IGF1R: variants seen among roughly 807,000 people sequenced by gnomAD.
The protein encoded by IGF1R is insulin-like growth factor 1 receptor.
A neutral mutation model predicts 144.6 loss-of-function variants in IGF1R; 44 were observed. The observed-to-expected ratio is 0.30, with a 90% CI of 0.24 to 0.39. IGF1R has a LOEUF of 0.39. Ranked by LOEUF, IGF1R falls within the 10% of genes least tolerant of loss-of-function variation. The pLI, the probability that IGF1R is intolerant of heterozygous loss-of-function variation, is 1.00. For missense variants in IGF1R, 1,355 were observed against 1,833.7 expected, an observed-to-expected ratio of 0.74 and a Z score of 4.77; for synonymous variants, 795 against 722.8, an observed-to-expected ratio of 1.10 and a Z score of -1.60.
In IGF1R at chr15:98,932,463, C is replaced by T. The variant is rs1028150771; in HGVS notation, c.2956+2158C>T. On this transcript the variant is annotated intron_variant, in intron 15 of 20. Transcript: ENST00000650285. ...CGCTCCTGGCTGGTGGCACTGGGGA[C>T]GCCTGCTTAAAGTCGGAGCCGTTGG... Among the ~76,000 whole-genome samples the T allele has an allele frequency of 3.8e-4, 58 of 152,150 alleles. 3 individuals are homozygous for T. Among genetic ancestry groups the T allele is most frequent in the Non-Finnish European group, 1.2e-4 (8 of 68,038 alleles).
chr15:98,861,864 GC>G (rs2012176143), intron 2 of IGF1R, among the ~76,000 whole-genome samples: 1 of 152,242 alleles, frequency 6.6e-6, no homozygotes, highest in South Asian at 2.1e-4. Flanking sequence ...TTCCTTGACA[GC>G]AGAATTCTCA....
chr15:98,755,673 C>G (rs1411494564), intron 2 of IGF1R, among the ~76,000 whole-genome samples: 1 of 130,054 alleles, frequency 7.7e-6, no homozygotes, highest in Admixed American at 9.0e-5. Context: ...GAGCCTACAT[C>G]GTGCCACTGC....
At chr15:98,905,541 A>G (rs1053842013) in intron 5 of IGF1R, among the ~76,000 whole-genome samples, 9 of 151,920 alleles carry the variant, frequency 5.9e-5, no homozygotes, top group Non-Finnish European at 1.2e-4. Flanking sequence ...GGGCATACCT[A>G]TGGTCCCAGC....
At chr15:98,656,242 A>G (rs2052481570) in intron 1 of IGF1R, among the ~76,000 whole-genome samples, 1 of 152,180 alleles carries the variant, frequency 6.6e-6, no homozygotes, top group African/African-American at 2.4e-5. Flanking sequence ...CTGCAGCGAT[A>G]GCTGGGCCTA....
At chr15:98,662,303 T>C (rs2052619526) in intron 1 of IGF1R, among the ~76,000 whole-genome samples, 1 of 152,014 alleles carries the variant, frequency 6.6e-6, no homozygotes, top group South Asian at 2.1e-4. Context: ...TTTTTGCACA[T>C]CTACAGTGAA....
rs1267735599 is a variant in IGF1R, at chr15:98,963,620, G to C, written c.*6178G>C. 5 of 233,180 alleles carry C rather than the reference G, an allele frequency of 2.1e-5. No homozygotes were observed. The highest frequency in any genetic ancestry group is 5.6e-5 in the Admixed American group (1 of 17,778). 14.4% of individuals were successfully genotyped at this position (233,180 alleles called of 1,614,324 possible). ...GGAAGACTTGACTGCACAGCCAATG[G>C]TTTTCATGATGATTACAGCATACAC... On this transcript the variant is annotated 3_prime_UTR_variant, in exon 21 of 21. Transcript: ENST00000650285.
chr15:98,654,225 T>G (rs1596144143), intron 1 of IGF1R, among the ~76,000 whole-genome samples: 1 of 146,814 alleles, frequency 6.8e-6, no homozygotes, highest in South Asian at 2.1e-4. Flanking sequence ...CACTGTAGAC[T>G]GTGACATACA....
intron 1 of IGF1R, among the ~76,000 whole-genome samples, chr15:98,654,812 C>T (rs1421714011): frequency 6.6e-6 from 1 of 152,190 alleles, no homozygotes; most frequent in African/African-American, 2.4e-5. Flanking sequence ...TCTTGATTTC[C>T]AGTCTGAGAT....
At chr15:98,664,378 C>T (rs894323454) in intron 1 of IGF1R, among the ~76,000 whole-genome samples, 14 of 152,072 alleles carry the variant, frequency 9.2e-5, no homozygotes, top group African/African-American at 3.4e-4. Flanking sequence ...TAATGCCACC[C>T]ATCAGGCCGA....
At chr15:98,903,275 C>A (rs2014573373) in intron 5 of IGF1R, among the ~76,000 whole-genome samples, 1 of 152,190 alleles carries the variant, frequency 6.6e-6, no homozygotes, top group Non-Finnish European at 1.5e-5. Context: ...TAAAGTTTCA[C>A]ATTATTTGGT....
At chr15:98,662,955 C>T (rs546346227) in intron 1 of IGF1R, among the ~76,000 whole-genome samples, 9 of 151,984 alleles carry the variant, frequency 5.9e-5, no homozygotes, top group South Asian at 2.1e-4. Context: ...GCAGTGGACC[C>T]GCTGAGAAGG....
chr15:98,878,975 G>A (rs868800345), intron 2 of IGF1R, among the ~76,000 whole-genome samples: 2 of 152,000 alleles, frequency 1.3e-5, no homozygotes, highest in African/African-American at 2.4e-5. Flanking sequence ...TAGCCTGGGC[G>A]CCAGAGCAAG....
At chr15:98,661,672 C>T (rs960758320) in intron 1 of IGF1R, among the ~76,000 whole-genome samples, 3 of 152,162 alleles carry the variant, frequency 2.0e-5, no homozygotes, top group African/African-American at 7.2e-5. Flanking sequence ...TCACTGTCTC[C>T]CTCTCTCCCA....
At position 98,908,668 on chromosome 15, in the gene IGF1R, G is replaced by A. The variant is rs1161731175; in HGVS notation, c.1248-17G>A. 1.1e-5 allele frequency: 18 copies of A among 1,610,028 alleles called. No homozygotes were observed. Among genetic ancestry groups the A allele is most frequent in the Middle Eastern group, 3.3e-4 (2 of 6,060 alleles). On this transcript the variant is annotated splice_polypyrimidine_tract_variant and intron_variant, in intron 5 of 20. Transcript: ENST00000650285. ...GGCCAAGGGCAGGTGCGCTAACATC[G>A]ATTTCTGTGCTTCTAGGAATTACTC...
intron 1 of IGF1R, among the ~76,000 whole-genome samples, chr15:98,650,346 C>T (rs1206299003): frequency 1.3e-5 from 2 of 152,234 alleles, no homozygotes; most frequent in Non-Finnish European, 1.5e-5. Flanking sequence ...CGTTGGGTTA[C>T]CTGCCCCCGG....
intron 2 of IGF1R, among the ~76,000 whole-genome samples, chr15:98,736,901 C>T (rs747104022): frequency 2.6e-5 from 4 of 152,088 alleles, no homozygotes; most frequent in African/African-American, 7.2e-5. Flanking sequence ...CGTGAGCCAC[C>T]GAGCCTGGCT....
chr15:98,716,581 T>C (rs1052586830), intron 2 of IGF1R, among the ~76,000 whole-genome samples: 1 of 152,208 alleles, frequency 6.6e-6, no homozygotes, highest in African/African-American at 2.4e-5. Context: ...TGGAGTTTCG[T>C]CTGATTGCAC....
At chr15:98,753,692 TGAA>T (rs1350956410) in intron 2 of IGF1R, among the ~76,000 whole-genome samples, 4 of 152,156 alleles carry the variant, frequency 2.6e-5, no homozygotes, top group Admixed American at 2.0e-4. Context: ...GAGGAGATGG[TGAA>T]GAATTCTGTT....
intron 2 of IGF1R, among the ~76,000 whole-genome samples, chr15:98,845,120 G>C (rs144785984): frequency 6.6e-6 from 1 of 152,294 alleles, no homozygotes. Context: ...CTTGTACCTT[G>C]TATTCAGTAG....
Sources: gnomAD v4.1 joint callset for allele counts (sites outside exome capture counted in the v4.1 genomes callset) on GRCh38, gnomAD v4.1.1 for gene constraint, MANE v1.5 for transcripts, NCBI Gene and HGNC (gene_info 2026-07-23, HGNC 2026-07-21) for gene names.